USP10: variants seen among roughly 807,000 people sequenced by gnomAD.
USP10 encodes the protein ubiquitin specific peptidase 10.
Under a neutral mutation model 84.5 loss-of-function variants are expected in USP10, and 22 were observed. The observed-to-expected ratio is 0.26, with a 90% CI of 0.19 to 0.37. The LOEUF is 0.37. Among genes scored for constraint, USP10 ranks in the 10% least tolerant of loss-of-function variants. The pLI is 1.00. For missense variants in USP10, 1,019 were observed against 998.9 expected (o/e 1.02, Z -0.27); for synonymous variants, 454 against 387.6 (o/e 1.17, Z -2.01).
chr16:84,771,869 C>T (rs1914492892), intron 11 of USP10, among the ~76,000 whole-genome samples: 1 of 152,022 alleles, frequency 6.6e-6, no homozygotes. Context: ...ACTCCCTCCC[C>T]CCAAAAAAGG....
chr16:84,733,570 A>C (rs1307150943), intron 2 of USP10, 67 bp downstream of exon 2: 10 of 1,226,574 alleles, frequency 8.2e-6, no homozygotes, highest in Admixed American at 4.9e-5. Flanking sequence ...TTCTATTTTA[A>C]TTTGTTTTTT....
chr16:84,732,948 A>G (rs1909432264), intron 1 of USP10: 5 of 385,860 alleles, frequency 1.3e-5, no homozygotes, highest in South Asian at 9.8e-5. Context: ...TAAACTAAGA[A>G]GTTATATAGA....
intron 13 of USP10, 147 bp from the exon 14 acceptor site, chr16:84,778,748 G>A (rs890176576): frequency 1.3e-6 from 1 of 759,694 alleles, no homozygotes; most frequent in Admixed American, 3.0e-5. Context: ...AATAGCATTG[G>A]TTTGTGTGAT....
At chr16:84,772,138 A>C (rs146262108) in intron 11 of USP10, among the ~76,000 whole-genome samples, 1 of 151,784 alleles carries the variant, frequency 6.6e-6, no homozygotes, top group African/African-American at 2.4e-5. Context: ...TGCAACGTCT[A>C]CCTCCTGGGT....
intron 10 of USP10, 39 bp downstream of exon 10, chr16:84,764,302 C>G (rs745692838): frequency 6.2e-7 from 1 of 1,613,396 alleles, no homozygotes; most frequent in Admixed American, 1.7e-5. Flanking sequence ...TTTGCCTTTT[C>G]TAGGGTTTTG....
In USP10 at chr16:84,764,234, A is replaced by T. The variant is rs769779915; in HGVS notation, c.1803A>T (p.Pro601=). 2.0e-5 allele frequency: 32 copies of T among 1,613,852 alleles called. No individual in the cohort carries two copies. The highest frequency in any genetic ancestry group is 2.6e-5 in the Non-Finnish European group (31 of 1,179,890). The part of the protein sequence containing the change: ...VTRQADFVQT[P]ITGIFGGHIR... The stretch of plus-strand genomic sequence containing the variant: ...GCCAGGCGGATTTTGTTCAGACTCC[A>T]ATCACCGGCATTTTTGGTGGACACA... Residue 601 remains proline (P), a synonymous_variant, in exon 10 of 14, where the codon CCA becomes CCT. Transcript: ENST00000219473.
intron 1 of USP10, 64 bp downstream of exon 1, chr16:84,700,175 CG>C (rs1217760912): frequency 3.7e-5 from 43 of 1,170,408 alleles, no homozygotes; most frequent in Non-Finnish European, 4.5e-5. Context: ...GACGCCGCGG[CG>C]GGCGGGCGTC....
intron 2 of USP10, among the ~76,000 whole-genome samples, chr16:84,738,175 G>A (rs1910181813): frequency 6.6e-6 from 1 of 152,148 alleles, no homozygotes; most frequent in Non-Finnish European, 1.5e-5. Context: ...CGGGTCTGGA[G>A]GTTTCCTTCA....
chr16:84,749,932 A>G (rs952739044), intron 4 of USP10, among the ~76,000 whole-genome samples: 3 of 152,186 alleles, frequency 2.0e-5, no homozygotes, highest in Non-Finnish European at 2.9e-5. Context: ...GTTATTTGAA[A>G]GGAGAAGGAC....
intron 1 of USP10, among the ~76,000 whole-genome samples, chr16:84,726,813 T>TC (rs1291521265): frequency 1.3e-5 from 2 of 152,128 alleles, no homozygotes; most frequent in African/African-American, 4.8e-5. Context: ...TGTACTTTGC[T>TC]CCCCCGAATC....
chr16:84,720,037 A>G (rs1907576612), intron 1 of USP10, among the ~76,000 whole-genome samples: 1 of 152,202 alleles, frequency 6.6e-6, no homozygotes, highest in Admixed American at 6.5e-5. Context: ...ATTAAGGTGG[A>G]AGTTCTGTGC....
rs1285640531 is a variant in USP10 at position 84,744,854 on chromosome 16, G to A, written c.373G>A (p.Asp125Asn). ...CQYPGSALALDGSSNVEAEVL... is the reference protein window; with the variant it reads ...CQYPGSALALNGSSNVEAEVL... The stretch of plus-strand genomic sequence containing the variant: ...GTACCCAGGCTCTGCCCTCGCTTTG[G>A]ATGGAAGTTCTAATGTGGAGGCGGA... The change falls in exon 4 of 14, where the codon GAT becomes AAT. Residue 125 changes from aspartate to asparagine, a missense_variant. By Grantham distance (23) the Asp-to-Asn change is conservative (BLOSUM62 1). Transcript: ENST00000219473. 6.2e-7 allele frequency: 1 copy of A among 1,613,716 alleles called. No individual in the cohort carries two copies.
chr16:84,720,874 G>A (rs1054833155), intron 1 of USP10, among the ~76,000 whole-genome samples: 7 of 147,816 alleles, frequency 4.7e-5, no homozygotes, highest in South Asian at 2.1e-4. Flanking sequence ...GGGCCACCGC[G>A]CCCGGCCAAT....
At chr16:84,758,332 G>A (rs1209528848) in intron 4 of USP10, among the ~76,000 whole-genome samples, 1 of 152,230 alleles carries the variant, frequency 6.6e-6, no homozygotes, top group Admixed American at 6.5e-5. Flanking sequence ...TGTCTGAGGC[G>A]CCTTGCTGCT....
In USP10 at chr16:84,720,576, A is replaced by ATTTTT. The variant is rs10699847; in HGVS notation, c.22-12840_22-12836dup. ...ATGCAGAATAAAAAGATGATGCCCAATTTTTTTTTTTTTTTTTTTTTTTGA... is the reference window on the plus strand; with the variant it reads ...ATGCAGAATAAAAAGATGATGCCCAATTTTTTTTTTTTTTTTTTTTTTTTTTTTGA... On this transcript the variant is annotated intron_variant, in intron 1 of 13. Coordinates refer to ENST00000219473, the MANE Select transcript of USP10 (RefSeq NM_005153.3). 2.2e-3 allele frequency among the ~76,000 whole-genome samples: 193 copies of ATTTTT among 88,328 alleles called. 13 individuals carry two copies. The highest frequency in any genetic ancestry group is 6.9e-3 in the East Asian group (14 of 2,034). 57.9% of individuals were successfully genotyped at this position (88,328 alleles called of 152,430 possible).
At chr16:84,739,046 C>G (rs1335766677) in intron 2 of USP10, among the ~76,000 whole-genome samples, 1 of 151,270 alleles carries the variant, frequency 6.6e-6, no homozygotes, top group Non-Finnish European at 1.5e-5. Context: ...TTACCTTACC[C>G]CTTTTCTTCC....
intron 1 of USP10, among the ~76,000 whole-genome samples, chr16:84,728,470 G>A (rs373757372): frequency 2.0e-5 from 3 of 151,980 alleles, no homozygotes; most frequent in African/African-American, 7.3e-5. Flanking sequence ...CTCCCGGGTA[G>A]CTGGGACTAC....
At chr16:84,716,181 C>G (rs539549336) in intron 1 of USP10, 8 of 152,458 alleles carry the variant, frequency 5.2e-5, no homozygotes, top group East Asian at 1.9e-4. Flanking sequence ...TCTCTCCCCC[C>G]TCTCCTTTTC....
chr16:84,702,361 A>G (rs932247374), intron 1 of USP10, among the ~76,000 whole-genome samples: 9 of 151,998 alleles, frequency 5.9e-5, no homozygotes, highest in Admixed American at 3.3e-4. Flanking sequence ...CGCCTGGCCG[A>G]TTTCTCATAA....
Sources: gnomAD v4.1 joint callset for allele counts (sites outside exome capture counted in the v4.1 genomes callset) on GRCh38, gnomAD v4.1.1 for gene constraint, MANE v1.5 for transcripts, NCBI Gene and HGNC (gene_info 2026-07-23, HGNC 2026-07-21) for gene names.